Variants in VPS13C observed in about 807,000 individuals in gnomAD.
The protein encoded by VPS13C is vacuolar protein sorting 13 homolog C.
VPS13C carries 358 observed loss-of-function variants against 456.8 expected under a neutral mutation model. That is an observed-to-expected ratio of 0.78 (90% confidence interval 0.72 to 0.86). The LOEUF is 0.86. VPS13C is among the 40% of genes least tolerant of loss of function. VPS13C has a pLI of 0.00. For synonymous variants in VPS13C, 1,578 were observed against 1,486.7 expected (o/e 1.06, Z -1.41); for missense variants, 4,818 against 4,385.4 (o/e 1.10, Z -2.79).
At chr15:61,999,277 G>A (rs943982821) in intron 16 of VPS13C, among the ~76,000 whole-genome samples, 9 of 152,126 alleles carry the variant, frequency 5.9e-5, no homozygotes, top group African/African-American at 2.2e-4. Context: ...TACTCAGGAG[G>A]CTGAGACAGG....
intron 3 of VPS13C, among the ~76,000 whole-genome samples, chr15:62,040,687 T>C (rs1257654402): frequency 1.3e-5 from 2 of 151,756 alleles, no homozygotes; most frequent in African/African-American, 2.4e-5. Context: ...AGCATACACA[T>C]GGACCACCTA....
intron 66 of VPS13C, among the ~76,000 whole-genome samples, chr15:61,901,392 A>C (rs913551564): frequency 6.6e-6 from 1 of 152,098 alleles, no homozygotes; most frequent in African/African-American, 2.4e-5. Flanking sequence ...AGAATCTACA[A>C]TGAACTCAAA....
chr15:61,976,979 CT>C, intron 24 of VPS13C, 102 bp downstream of exon 24: 1 of 744,824 alleles, frequency 1.3e-6, no homozygotes, highest in Non-Finnish European at 2.2e-6. Flanking sequence ...ATCATTTTTG[CT>C]GTCTCCCACA....
chr15:61,878,003 T>C (rs1336193892), intron 74 of VPS13C, among the ~76,000 whole-genome samples: 1 of 151,952 alleles, frequency 6.6e-6, no homozygotes, highest in Non-Finnish European at 1.5e-5. Flanking sequence ...TGTTGTAAAG[T>C]ATTTGATTTT....
chr15:61,998,278 T>C (rs961460605), intron 16 of VPS13C, among the ~76,000 whole-genome samples: 2 of 152,228 alleles, frequency 1.3e-5, no homozygotes, highest in African/African-American at 4.8e-5. Context: ...TGTTTAAAAC[T>C]GCAAATCATC....
chr15:62,039,779 C>G (rs2140700192), intron 3 of VPS13C, among the ~76,000 whole-genome samples: 1 of 152,032 alleles, frequency 6.6e-6, no homozygotes, highest in East Asian at 1.9e-4. Context: ...TTATTATGGC[C>G]ACTATGGAGA....
chr15:61,859,233 A>G (rs1234575505), intron 82 of VPS13C, among the ~76,000 whole-genome samples: 1 of 152,030 alleles, frequency 6.6e-6, no homozygotes, highest in Non-Finnish European at 1.5e-5. Context: ...TAGCTGGTGA[A>G]TGCCTGTGGT....
At chr15:62,046,596 T>C (rs1012397706) in intron 1 of VPS13C, among the ~76,000 whole-genome samples, 13 of 152,194 alleles carry the variant, frequency 8.5e-5, no homozygotes, top group Non-Finnish European at 1.8e-4. Context: ...TGCTCATAAA[T>C]TGTGACTGTT....
chr15:61,934,449 A>T (rs1350644470), intron 48 of VPS13C, 118 bp from the exon 49 acceptor site: 2 of 497,990 alleles, frequency 4.0e-6, no homozygotes, highest in Non-Finnish European at 6.7e-6. Context: ...TGTAAATCAT[A>T]TTGAGACAAT....
chr15:62,038,226 C>G (rs946891003), intron 3 of VPS13C, among the ~76,000 whole-genome samples: 14 of 152,052 alleles, frequency 9.2e-5, no homozygotes, highest in Non-Finnish European at 1.6e-4. Flanking sequence ...TCAGCCTAGG[C>G]AAAGAATTTA....
chr15:61,961,397 ACACAC>A (rs1567049279), intron 35 of VPS13C, among the ~76,000 whole-genome samples, 187 bp downstream of exon 35: 1 of 19,546 alleles, frequency 5.1e-5, no homozygotes, highest in African/African-American at 1.3e-4. Context: ...AACTCAAAAC[ACACAC>A]ACACACACAC....
At chr15:61,908,873 C>T in intron 65 of VPS13C, 119 bp downstream of exon 65, 6 of 1,175,132 alleles carry the variant, frequency 5.1e-6, no homozygotes, top group South Asian at 3.4e-5. Flanking sequence ...AGATAAATAC[C>T]ATGTGTTCCA....
At chr15:61,993,959 CATAT>C (rs113931101) in intron 16 of VPS13C, among the ~76,000 whole-genome samples, 1 of 148,434 alleles carries the variant, frequency 6.7e-6, no homozygotes. Flanking sequence ...TATTTCAAAG[CATAT>C]ATATATATAT....
At chr15:61,884,333 A>C (rs988783720) in intron 67 of VPS13C, 64 bp from the exon 68 acceptor site, 3 of 1,501,120 alleles carry the variant, frequency 2.0e-6, no homozygotes, top group Non-Finnish European at 2.7e-6. Flanking sequence ...AACTTTATTC[A>C]ACTCCAGATT....
At chr15:62,024,324 A>T (rs1309878826) in intron 6 of VPS13C, among the ~76,000 whole-genome samples, 1 of 152,062 alleles carries the variant, frequency 6.6e-6, no homozygotes, top group Non-Finnish European at 1.5e-5. Flanking sequence ...TTCACAAGCA[A>T]ATTATTTAAT....
intron 58 of VPS13C, 72 bp from the exon 59 acceptor site, chr15:61,918,329 C>G (rs1014240354): frequency 3.7e-6 from 5 of 1,343,498 alleles, no homozygotes; most frequent in African/African-American, 3.0e-5. Context: ...GAGCCACAAA[C>G]AAATACTTTT....
At chr15:61,866,450 G>C in intron 81 of VPS13C, 2 of 984,282 alleles carry the variant, frequency 2.0e-6, no homozygotes, top group Non-Finnish European at 1.2e-6. Flanking sequence ...AAAATCTTAA[G>C]TTACAGGGGT....
intron 1 of VPS13C, among the ~76,000 whole-genome samples, chr15:62,048,912 T>C (rs1460732339): frequency 6.7e-6 from 1 of 150,258 alleles, no homozygotes; most frequent in Non-Finnish European, 1.5e-5. Context: ...TTTTGAGAAG[T>C]GTCTGTTCAT....
In VPS13C at chr15:61,916,100, A is replaced by C; in HGVS notation, c.8056-78T>G. ...AAAATTCTTATTTTTCACAAATGCT[A>C]AATAAACTACCAGATGCATGTAAAC... On this transcript the variant is annotated intron_variant, in intron 60 of 84. Coordinates refer to ENST00000644861, the MANE Select transcript of VPS13C (RefSeq NM_020821.3). 9 of 1,441,590 alleles carry C rather than the reference A, an allele frequency of 6.2e-6. No individual in the cohort carries two copies. In the East Asian group the frequency reaches 2.1e-4, roughly 34 times the overall value. The allele number at this position is 1,441,590 out of a possible 1,614,324, so 89.3% of individuals were successfully genotyped here.
Sources: allele counts gnomAD v4.1 joint callset (sites outside exome capture counted in the v4.1 genomes callset), GRCh38; gene constraint gnomAD v4.1.1; transcripts MANE v1.5; gene names NCBI Gene and HGNC (gene_info 2026-07-23, HGNC 2026-07-21).